TANK: variants seen among roughly 807,000 people sequenced by gnomAD.
The protein encoded by TANK is TRAF family member-associated NF-kappa-B activator.
TANK carries 15 observed loss-of-function variants against 43.6 expected under a neutral mutation model. That is an observed-to-expected ratio of 0.34 (90% CI 0.23 to 0.53). TANK has a LOEUF of 0.53. Ranked by LOEUF, TANK falls within the 20% of genes least tolerant of loss-of-function variation. TANK has a pLI of 0.94. For missense variants in TANK, 417 were observed against 498.6 expected (o/e 0.84, Z 1.56); for synonymous variants, 162 against 178.2 (o/e 0.91, Z 0.73).
At chr2:161,218,575 T>C (rs1687217750) in intron 4 of TANK, among the ~76,000 whole-genome samples, 1 of 152,198 alleles carries the variant, frequency 6.6e-6, no homozygotes, top group Non-Finnish European at 1.5e-5. Context: ...GCACCTGTAG[T>C]CCCAGCTACT....
At chr2:161,172,062 T>A (rs1260552278) in intron 1 of TANK, among the ~76,000 whole-genome samples, 1 of 152,206 alleles carries the variant, frequency 6.6e-6, no homozygotes, top group African/African-American at 2.4e-5. Context: ...GAGTTGTTTT[T>A]CCTGTTATTT....
At chr2:161,218,444 A>G (rs932831712) in intron 4 of TANK, among the ~76,000 whole-genome samples, 10 of 152,338 alleles carry the variant, frequency 6.6e-5, no homozygotes, top group East Asian at 5.8e-4. Flanking sequence ...TTGTGTTCCA[A>G]TCACAGCTAC....
intron 7 of TANK, among the ~76,000 whole-genome samples, chr2:161,232,217 G>A (rs942453469): frequency 1.3e-5 from 2 of 151,972 alleles, no homozygotes; most frequent in African/African-American, 4.8e-5. Flanking sequence ...CTCCCTTTTA[G>A]ATTCAAATTC....
chr2:161,190,776 G>A (rs1194494895), intron 2 of TANK, among the ~76,000 whole-genome samples: 1 of 152,104 alleles, frequency 6.6e-6, no homozygotes, highest in South Asian at 2.1e-4. Context: ...AAGTAGAAGG[G>A]TAGTTGCCAG....
chr2:161,138,378 C>G (rs1275630502), intron 1 of TANK, among the ~76,000 whole-genome samples: 1 of 152,136 alleles, frequency 6.6e-6, no homozygotes, highest in Non-Finnish European at 1.5e-5. Flanking sequence ...CTTTCTGTTA[C>G]TACTGCCCTG....
intron 1 of TANK, among the ~76,000 whole-genome samples, chr2:161,178,557 T>A (rs1028678552): frequency 1.3e-5 from 2 of 151,920 alleles, no homozygotes; most frequent in Non-Finnish European, 2.9e-5. Context: ...GGGAGGGTGA[T>A]TAAAATGTTC....
intron 2 of TANK, among the ~76,000 whole-genome samples, chr2:161,189,652 C>T (rs1313178721): frequency 6.6e-6 from 1 of 152,044 alleles, no homozygotes; most frequent in Non-Finnish European, 1.5e-5. Flanking sequence ...AAAGATTCCA[C>T]ACCCAAAAAA....
At chr2:161,191,215 G>C (rs1361411761) in intron 2 of TANK, among the ~76,000 whole-genome samples, 2 of 152,126 alleles carry the variant, frequency 1.3e-5, no homozygotes, top group Non-Finnish European at 2.9e-5. Context: ...GATAAGGGAG[G>C]TAAAGACAAA....
rs562625339 is a variant in TANK, at chr2:161,212,940, A to T, written c.327+8147A>T. Reference sequence around the variant, plus strand: ...TGTAAAAGTTCAAGATTGGACATTGACATCTGGCAAGGGCCACAGGCTGCT... The same window carrying T: ...TGTAAAAGTTCAAGATTGGACATTGTCATCTGGCAAGGGCCACAGGCTGCT... On this transcript the variant is annotated intron_variant, in intron 4 of 7. Coordinates refer to ENST00000392749, the MANE Select transcript of TANK (RefSeq NM_001199135.3). Among the ~76,000 whole-genome samples the T allele has an allele frequency of 2.6e-5, 4 of 152,378 alleles. No homozygotes were observed. The East Asian group carries it at 7.7e-4, about 29-fold the overall frequency.
intron 1 of TANK, among the ~76,000 whole-genome samples, chr2:161,176,015 TAGG>T (rs1169236356): frequency 1.3e-5 from 2 of 152,054 alleles, no homozygotes; most frequent in Admixed American, 6.6e-5. Flanking sequence ...AAACCCTAAC[TAGG>T]AGAGTGTTTT....
chr2:161,157,202 A>G (rs1684250655), upstream of TANK, among the ~76,000 whole-genome samples: 2 of 152,190 alleles, frequency 1.3e-5, no homozygotes, highest in South Asian at 2.1e-4. Context: ...AAAAAAGTAC[A>G]TGTCCATTTC....
At chr2:161,142,813 G>C (rs113540175) in intron 1 of TANK, among the ~76,000 whole-genome samples, 21 of 152,028 alleles carry the variant, frequency 1.4e-4, no homozygotes, top group African/African-American at 5.1e-4. Flanking sequence ...GACTCTTTTG[G>C]GGTTTCCATA....
chr2:161,208,960 G>A (rs1191007820), intron 4 of TANK, among the ~76,000 whole-genome samples: 2 of 152,266 alleles, frequency 1.3e-5, no homozygotes, highest in East Asian at 3.9e-4. Flanking sequence ...AGCAACACAG[G>A]TATTGTAGAT....
At chr2:161,141,178 A>C (rs1398709619) in intron 1 of TANK, among the ~76,000 whole-genome samples, 2 of 152,022 alleles carry the variant, frequency 1.3e-5, no homozygotes, top group African/African-American at 2.4e-5. Flanking sequence ...CATTTTTACC[A>C]CCTCAAAAGG....
chr2:161,193,294 C>T (rs1007407571), intron 2 of TANK, among the ~76,000 whole-genome samples: 1 of 152,154 alleles, frequency 6.6e-6, no homozygotes, highest in African/African-American at 2.4e-5. Context: ...TTTTACTATG[C>T]TTACAGAATA....
chr2:161,204,653 C>T, intron 3 of TANK, 22 bp from the exon 4 acceptor site: 1 of 1,594,822 alleles, frequency 6.3e-7, no homozygotes, highest in South Asian at 1.1e-5. Context: ...CTGCTAATGT[C>T]CAAGAGGTTT....
intron 2 of TANK, among the ~76,000 whole-genome samples, chr2:161,187,932 TTAAA>T (rs904555128): frequency 6.6e-6 from 1 of 152,084 alleles, no homozygotes; most frequent in Non-Finnish European, 1.5e-5. Flanking sequence ...TATGTACAAA[TTAAA>T]TAACACTCTT....
chr2:161,192,777 A>G (rs1037900810), intron 2 of TANK, among the ~76,000 whole-genome samples: 1 of 152,230 alleles, frequency 6.6e-6, no homozygotes, highest in Non-Finnish European at 1.5e-5. Context: ...CAGCCCTACA[A>G]AAGTAGACAT....
At chr2:161,169,835 T>C (rs1684863931) in intron 1 of TANK, among the ~76,000 whole-genome samples, 1 of 152,186 alleles carries the variant, frequency 6.6e-6, no homozygotes, top group Admixed American at 6.5e-5. Context: ...ATTTACCCTT[T>C]TGAAGCTCAG....
Sources: allele counts gnomAD v4.1 joint callset (sites outside exome capture counted in the v4.1 genomes callset), GRCh38; gene constraint gnomAD v4.1.1; transcripts MANE v1.5; gene names NCBI Gene and HGNC (gene_info 2026-07-23, HGNC 2026-07-21).